EIF4E2: variants seen among roughly 807,000 people sequenced by gnomAD.
EIF4E2 encodes the protein eukaryotic translation initiation factor 4E family member 2.
A neutral mutation model predicts 34.2 loss-of-function variants in EIF4E2; 13 were observed. That is an observed-to-expected ratio of 0.38 (90% CI 0.25 to 0.60). The LOEUF (loss-of-function observed/expected upper bound fraction) is 0.60, where lower values mean the gene tolerates loss of function less well. Among genes scored for constraint, EIF4E2 ranks in the 20% least tolerant of loss-of-function variants. The pLI, the probability that EIF4E2 is intolerant of heterozygous loss-of-function variation, is 0.62. For missense variants in EIF4E2, 222 were observed against 315.1 expected, an observed-to-expected ratio of 0.70 and a Z score of 2.24; for synonymous variants, 100 against 106.6, an observed-to-expected ratio of 0.94 and a Z score of 0.38.
chr2:232,551,340 C>T (rs1038590827), intron 1 of EIF4E2: 2 of 468,034 alleles, frequency 4.3e-6, no homozygotes, highest in African/African-American at 4.0e-5. Flanking sequence ...TCGCCAAGAC[C>T]TAAGTATACT....
chr2:232,569,543 C>T (rs190186371), downstream of EIF4E2, among the ~76,000 whole-genome samples: 1 of 152,286 alleles, frequency 6.6e-6, no homozygotes, highest in Non-Finnish European at 1.5e-5. Flanking sequence ...AAAGGGGGAT[C>T]CTTGGCCTTT....
In EIF4E2 at chr2:232,581,206, T is replaced by G; in HGVS notation, c.*263T>G. The G allele has an allele frequency of 3.5e-6, 2 of 578,600 alleles. No homozygotes were observed. Among genetic ancestry groups the G allele is most frequent in the Non-Finnish European group, 6.5e-6 (2 of 308,388 alleles). The allele number at this position is 578,600 out of a possible 1,614,324, so 35.8% of individuals were successfully genotyped here. A position where few individuals can be genotyped will look rare whatever the true frequency, so the allele number is the denominator to read the frequency against. On this transcript the variant is annotated 3_prime_UTR_variant, in exon 7 of 7. Coordinates refer to the EIF4E2 transcript ENST00000409098. The surrounding 1 kb of genome is among the most constrained non-coding windows in gnomAD (Gnocchi z 5.2). ...GGGTTCCATGGGGGGGCGTTCAGCC[T>G]TTCTGTTTGCTGTGTGCTGTCCAGA...
rs771850406 is a variant in EIF4E2, at chr2:232,569,003, T to G, written c.724T>G (p.Leu242Val). ...LLFQNLWKPR[L>V]NVP ...TTTTCAAAACCTCTGGAAGCCGCGG[T>G]TGAATGTGCCATGACCCTCTCCCTC... The change falls in exon 7 of 7, where the codon TTG becomes GTG. Residue 242 changes from leucine to valine, a missense_variant. By Grantham distance (32) the Leu-to-Val change is conservative (BLOSUM62 1). Coordinates refer to ENST00000258416, the MANE Select transcript of EIF4E2 (RefSeq NM_004846.4). 1.9e-6 allele frequency: 3 copies of G among 1,614,154 alleles called. No homozygotes were observed. In the Admixed American group the frequency reaches 5.0e-5, roughly 27 times the overall value.
At chr2:232,579,021 C>G (rs980609210) in intron 6 of EIF4E2, among the ~76,000 whole-genome samples, 1 of 152,072 alleles carries the variant, frequency 6.6e-6, no homozygotes, top group African/African-American at 2.4e-5. Context: ...CCATCTGTTC[C>G]TGTGAAATCA....
chr2:232,578,278 T>G (rs1693266820), intron 6 of EIF4E2, among the ~76,000 whole-genome samples: 1 of 152,212 alleles, frequency 6.6e-6, no homozygotes, highest in Non-Finnish European at 1.5e-5. Context: ...CAAGTGGACT[T>G]TAGAATATGA....
At chr2:232,579,655 A>T (rs1384604213) in intron 6 of EIF4E2, among the ~76,000 whole-genome samples, 1 of 152,180 alleles carries the variant, frequency 6.6e-6, no homozygotes, top group Non-Finnish European at 1.5e-5. Flanking sequence ...ACCAATTGCC[A>T]TATGTCCCAT....
downstream of EIF4E2, among the ~76,000 whole-genome samples, chr2:232,572,771 G>A (rs918686560): frequency 2.6e-5 from 4 of 152,214 alleles, no homozygotes; most frequent in Non-Finnish European, 5.9e-5. Flanking sequence ...GTAGGAGGGA[G>A]CTGTGAAGTC....
chr2:232,579,657 A>G (rs756027666), intron 6 of EIF4E2, among the ~76,000 whole-genome samples: 19 of 152,118 alleles, frequency 1.2e-4, no homozygotes, highest in Non-Finnish European at 2.6e-4. Context: ...CAATTGCCAT[A>G]TGTCCCATTA....
At chr2:232,576,215 T>C (rs1347019681) in intron 6 of EIF4E2, among the ~76,000 whole-genome samples, 1 of 146,644 alleles carries the variant, frequency 6.8e-6, no homozygotes, top group Non-Finnish European at 1.5e-5. Context: ...AAAAAAAAAC[T>C]GGGGATGCTT....
downstream of EIF4E2, chr2:232,574,142 T>C (rs781638490): frequency 1.2e-5 from 12 of 1,005,488 alleles, no homozygotes; most frequent in Non-Finnish European, 1.8e-5. Context: ...CCCAGGTACC[T>C]GTGGCTCCAC....
At chr2:232,557,669 A>G (rs1349611560) in intron 2 of EIF4E2, 9 of 573,154 alleles carry the variant, frequency 1.6e-5, no homozygotes, top group African/African-American at 5.6e-5. Flanking sequence ...TACAAAGGCC[A>G]TAAGAACACA....
rs1165846750 is a variant in EIF4E2 at position 232,566,425 on chromosome 2, C to T, written c.376-404C>T. The stretch of plus-strand genomic sequence containing the variant: ...CAGGATGGTCTCGATCTCCTCACCT[C>T]GTGATTCGCCCACCTCAGCCTTCCA... On this transcript the variant is annotated intron_variant, in intron 4 of 6. Transcript: ENST00000258416. This position sits in a 1 kb window ranked among gnomAD's most constrained non-coding sequence, Gnocchi z 4.9. Among the ~76,000 whole-genome samples, 4 of 152,324 alleles carry T rather than the reference C, an allele frequency of 2.6e-5. No homozygotes were observed. The highest frequency in any genetic ancestry group is 3.9e-4 in the East Asian group (2 of 5,172).
chr2:232,556,660 C>T (rs1692535694), intron 2 of EIF4E2, 130 bp downstream of exon 2: 1 of 683,918 alleles, frequency 1.5e-6, no homozygotes, highest in Middle Eastern at 2.5e-4. Context: ...ACTTTGTTCT[C>T]AGAAAAACAT....
Position 232,557,956 on chromosome 2 carries a change from G to T in EIF4E2, c.208G>T (p.Gly70Cys), listed in dbSNP as rs754375724. ...TTTTTGGTACTCCAGGAGAACCCCC[G>T]GCCGTCCCACGAGCTCACAGAGCTA... ...YTFWYSRRTP[G>C]RPTSSQSYEQ... The change falls in exon 3 of 7, where the codon GGC becomes TGC. Residue 70 changes from glycine (G) to cysteine (C), a missense_variant. This residue lies in a region of EIF4E2 where 87 missense variants were observed against 93.6 expected (regional missense o/e 0.93). Coordinates refer to ENST00000258416, the MANE Select transcript of EIF4E2 (RefSeq NM_004846.4). 6.2e-7 allele frequency: 1 copy of T among 1,613,946 alleles called. No individual in the cohort carries two copies. The highest frequency in any genetic ancestry group is 1.3e-5 in the African/African-American group (1 of 74,898).
chr2:232,582,304 CAT>C (rs1693378162), exon 7 of EIF4E2: 1 of 152,756 alleles, frequency 6.5e-6, no homozygotes, highest in Admixed American at 6.5e-5. Context: ...TCAGAGAAAT[CAT>C]ATGAGAGTAA....
downstream of EIF4E2, chr2:232,573,971 G>A: frequency 1.7e-6 from 1 of 599,886 alleles, no homozygotes; most frequent in South Asian, 1.7e-5. Flanking sequence ...TGACCTTACT[G>A]GCCTCCCCTG....
rs553540276 is a variant in EIF4E2 at position 232,566,233 on chromosome 2, C to T, written c.376-596C>T. On this transcript the variant is annotated intron_variant, in intron 4 of 6. Coordinates refer to ENST00000258416, the MANE Select transcript of EIF4E2 (RefSeq NM_004846.4). The surrounding 1 kb of genome is among the most constrained non-coding windows in gnomAD (Gnocchi z 4.9). ...ACGGAGTCTTGCTGTGTTTCCCAGG[C>T]GGGAGTGCAGTGGCACGATCTCGGC... Among the ~76,000 whole-genome samples, 129 of 152,198 alleles carry T rather than the reference C, an allele frequency of 8.5e-4. No homozygotes were observed. The highest frequency in any genetic ancestry group is 2.9e-3 in the African/African-American group (122 of 41,514).
chr2:232,578,983 C>A (rs891128128), intron 6 of EIF4E2, among the ~76,000 whole-genome samples: 1 of 152,068 alleles, frequency 6.6e-6, no homozygotes, highest in Admixed American at 6.6e-5. Context: ...CATAGACGTG[C>A]CTGTAAAAGG....
chr2:232,567,035 T>G, intron 5 of EIF4E2, 43 bp from the exon 6 acceptor site: 2 of 1,602,564 alleles, frequency 1.2e-6, no homozygotes, highest in Non-Finnish European at 1.7e-6. Context: ...CTCTCCTCGC[T>G]GCCCCTGATT....
Sources: allele counts gnomAD v4.1 joint callset (sites outside exome capture counted in the v4.1 genomes callset), GRCh38; gene constraint gnomAD v4.1.1; regional missense constraint gnomAD v4.1.1; non-coding constraint Gnocchi (gnomAD v3.1); transcripts MANE v1.5; gene names NCBI Gene and HGNC (gene_info 2026-07-23, HGNC 2026-07-21).